The following GRID2 variants were observed in gnomAD, a reference collection of about 807,000 sequenced individuals.
GRID2 encodes glutamate ionotropic receptor delta type subunit 2, also known as glutamate receptor ionotropic, delta-2.
GRID2 carries 33 observed loss-of-function variants against 114.8 expected under a neutral mutation model. That is an observed-to-expected ratio of 0.29 (90% CI 0.22 to 0.38). The LOEUF (loss-of-function observed/expected upper bound fraction) is 0.38, where lower values mean the gene tolerates loss of function less well. GRID2 is among the 10% of genes least tolerant of loss of function. GRID2 has a pLI of 1.00. For synonymous variants in GRID2, 505 were observed against 449.9 expected, an observed-to-expected ratio of 1.12 and a Z score of -1.55; for missense variants, 1,184 against 1,257.7, an observed-to-expected ratio of 0.94 and a Z score of 0.89.
At chr4:92,788,150 G>A (rs934341711) in intron 2 of GRID2, among the ~76,000 whole-genome samples, 2 of 151,732 alleles carry the variant, frequency 1.3e-5, no homozygotes, top group Admixed American at 6.6e-5. Context: ...GGGGAGAGGC[G>A]AGGACATTTC....
At chr4:93,602,712 T>C (rs1739814648) in intron 13 of GRID2, among the ~76,000 whole-genome samples, 1 of 152,196 alleles carries the variant, frequency 6.6e-6, no homozygotes, top group Non-Finnish European at 1.5e-5. Flanking sequence ...GACATAGCAA[T>C]TTTGAAATTA....
chr4:92,839,765 T>C (rs1742745303), intron 2 of GRID2, among the ~76,000 whole-genome samples: 1 of 152,072 alleles, frequency 6.6e-6, no homozygotes, highest in Admixed American at 6.6e-5. Context: ...GAATGATCTG[T>C]GTGCTGAGGA....
chr4:93,264,309 C>T (rs1374286139), intron 8 of GRID2, among the ~76,000 whole-genome samples: 1 of 152,066 alleles, frequency 6.6e-6, no homozygotes, highest in Non-Finnish European at 1.5e-5. Flanking sequence ...TTTGTCATTT[C>T]AAGGAAGATG....
chr4:92,411,893 T>G (rs1198921441), intron 1 of GRID2, among the ~76,000 whole-genome samples: 10 of 151,346 alleles, frequency 6.6e-5, no homozygotes, highest in African/African-American at 1.7e-4. Flanking sequence ...TTTTAGTAGA[T>G]ACGGGGTTTC....
At chr4:92,782,253 G>C (rs1176583188) in intron 2 of GRID2, among the ~76,000 whole-genome samples, 2 of 151,908 alleles carry the variant, frequency 1.3e-5, no homozygotes, top group Non-Finnish European at 2.9e-5. Flanking sequence ...GGTACTTTGA[G>C]AGCTCTCCTA....
intron 2 of GRID2, among the ~76,000 whole-genome samples, chr4:92,618,694 T>C (rs1356748903): frequency 6.6e-6 from 1 of 151,766 alleles, no homozygotes; most frequent in Non-Finnish European, 1.5e-5. Flanking sequence ...ATTTTGTTGT[T>C]TTCTTTGTAG....
intron 4 of GRID2, among the ~76,000 whole-genome samples, chr4:93,127,418 A>C (rs553928121): frequency 7.9e-4 from 121 of 152,354 alleles, no homozygotes; most frequent in African/African-American, 2.8e-3. Context: ...GAACATATAC[A>C]TAAACTGAGA....
intron 8 of GRID2, among the ~76,000 whole-genome samples, chr4:93,395,348 A>C (rs868753543): frequency 6.6e-6 from 1 of 152,016 alleles, no homozygotes; most frequent in Non-Finnish European, 1.5e-5. Flanking sequence ...TGGTGTATAC[A>C]TAAGTCCTCA....
At chr4:93,581,924 T>C (rs1334684279) in intron 13 of GRID2, among the ~76,000 whole-genome samples, 1 of 152,186 alleles carries the variant, frequency 6.6e-6, no homozygotes, top group Admixed American at 6.5e-5. Flanking sequence ...GATAGAAATG[T>C]CAACTCTTAA....
chr4:92,705,999 A>C (rs1408002188), intron 2 of GRID2, among the ~76,000 whole-genome samples: 4 of 152,192 alleles, frequency 2.6e-5, no homozygotes, highest in Non-Finnish European at 4.4e-5. Flanking sequence ...GTGACAAATG[A>C]GGTATGATGG....
rs181498959 is a variant in GRID2, at chr4:93,328,075, G to A, written c.1246-67532G>A. 5.0e-3 allele frequency among the ~76,000 whole-genome samples: 751 copies of A among 151,604 alleles called. 9 individuals carry two copies. The highest frequency in any genetic ancestry group is 0.018 in the African/African-American group (729 of 41,296). On this transcript the variant is annotated intron_variant, in intron 8 of 15. Transcript: ENST00000282020. Reference sequence around the variant, plus strand: ...ACACCTGTAATCCCAGCACTTTCGCGCCACTGCACTCCAGCCTGGGTGAAC... The same window carrying A: ...ACACCTGTAATCCCAGCACTTTCGCACCACTGCACTCCAGCCTGGGTGAAC...
chr4:92,854,123 T>C (rs1294127027), intron 2 of GRID2, among the ~76,000 whole-genome samples: 1 of 151,986 alleles, frequency 6.6e-6, no homozygotes, highest in African/African-American at 2.4e-5. Context: ...TTATCATCCC[T>C]AAATACAAGG....
At chr4:93,528,832 C>T (rs914110167) in intron 13 of GRID2, among the ~76,000 whole-genome samples, 1 of 152,112 alleles carries the variant, frequency 6.6e-6, no homozygotes, top group African/African-American at 2.4e-5. Flanking sequence ...AATTTGTTTT[C>T]CTAAACTCTG....
rs948855234 is a variant in GRID2, at chr4:93,043,356, A to T, written c.245-41639A>T. ...AAGAGATAATCCTTGCCCTCAATAA[A>T]CTTATAGATCATAAGGAAGAGATAC... On this transcript the variant is annotated intron_variant, in intron 2 of 15. Transcript: ENST00000282020. 3.3e-5 allele frequency among the ~76,000 whole-genome samples: 5 copies of T among 152,312 alleles called. No homozygotes were observed. In the East Asian group the frequency reaches 7.7e-4, roughly 24 times the overall value.
At chr4:92,659,455 C>T (rs543410618) in intron 2 of GRID2, among the ~76,000 whole-genome samples, 5 of 151,354 alleles carry the variant, frequency 3.3e-5, no homozygotes, top group African/African-American at 7.3e-5. Context: ...TTTCAGATCT[C>T]GACTTTAGAA....
intron 4 of GRID2, among the ~76,000 whole-genome samples, chr4:93,197,363 C>A (rs1019204355): frequency 1.3e-5 from 2 of 152,086 alleles, no homozygotes; most frequent in Non-Finnish European, 2.9e-5. Flanking sequence ...TTTTGTTCCT[C>A]AGTTTCTTCA....
chr4:92,743,703 T>A (rs1388677296), intron 2 of GRID2, among the ~76,000 whole-genome samples: 1 of 152,192 alleles, frequency 6.6e-6, no homozygotes, highest in Non-Finnish European at 1.5e-5. Flanking sequence ...AATGGAGGGC[T>A]GCATTTTACA....
intron 2 of GRID2, among the ~76,000 whole-genome samples, chr4:93,009,922 A>G (rs1721950981): frequency 6.6e-6 from 1 of 152,024 alleles, no homozygotes; most frequent in Non-Finnish European, 1.5e-5. Context: ...CTTTACCTTT[A>G]GTTTTCCCTA....
rs1228138588 is a variant in GRID2 at position 92,509,883 on chromosome 4, A to G, written c.89-80248A>G. On this transcript the variant is annotated intron_variant, in intron 1 of 15. Transcript: ENST00000282020. The stretch of plus-strand genomic sequence containing the variant: ...AATAGAGCAGAAAAATGTGCATTCC[A>G]AGGGATAAGGGAAGGCCAAATTATG... Among the ~76,000 whole-genome samples the G allele has an allele frequency of 4.0e-5, 6 of 151,896 alleles. No homozygotes were observed. The East Asian group carries it at 1.2e-3, about 30-fold the overall frequency.
Sources: gnomAD v4.1 joint callset for allele counts (sites outside exome capture counted in the v4.1 genomes callset) on GRCh38, gnomAD v4.1.1 for gene constraint, MANE v1.5 for transcripts, NCBI Gene and HGNC (gene_info 2026-07-23, HGNC 2026-07-21) for gene names.